MUC22: variants seen among roughly 807,000 people sequenced by gnomAD.
MUC22 encodes mucin 22.
A neutral mutation model predicts 40.3 loss-of-function variants in MUC22; 24 were observed. The ratio of observed to expected loss-of-function variants is 0.60; its 90% CI spans 0.43 to 0.84. MUC22 has a LOEUF of 0.84. Ranked by LOEUF, MUC22 falls within the 40% of genes least tolerant of loss-of-function variation. MUC22 has a pLI of 0.00. For synonymous variants in MUC22, 765 were observed against 844.5 expected, an observed-to-expected ratio of 0.91 and a Z score of 1.63; for missense variants, 1,926 against 2,130.7, an observed-to-expected ratio of 0.90 and a Z score of 1.89.
At position 31,027,468 on chromosome 6, in the gene MUC22, CA is replaced by C. The variant is rs550762347; in HGVS notation, c.2038del (p.Thr680ProfsTer18). The C allele has an allele frequency of 1.3e-4, 201 of 1,528,900 alleles. 11 individuals carry two copies. In the African/African-American group the frequency reaches 2.6e-3, roughly 20 times the overall value. The allele number at this position is 1,528,900 out of a possible 1,614,324, so 94.7% of individuals were successfully genotyped here. ...AAGGCTCTGAGATGACTGCAGTCTC[CA>C]CCACAGTCTTTGAGACCACTACAGC... On this transcript the variant is annotated frameshift_variant, in exon 2 of 4. Coordinates refer to ENST00000561890, the Ensembl canonical transcript of MUC22. LOFTEE classifies it high-confidence loss of function.
At chr6:31,013,876 G>T (rs949076916) in intron 1 of MUC22, among the ~76,000 whole-genome samples, 9 of 151,526 alleles carry the variant, frequency 5.9e-5, no homozygotes, top group Non-Finnish European at 1.2e-4. Flanking sequence ...AGGTTTTTTG[G>T]GTTTTTTTTC....
At chr6:31,021,686 G>A (rs1764758778) in intron 1 of MUC22, among the ~76,000 whole-genome samples, 1 of 151,988 alleles carries the variant, frequency 6.6e-6, no homozygotes, top group Non-Finnish European at 1.5e-5. Context: ...AATCTGATGG[G>A]GACGTGGAGA....
At chr6:31,014,616 C>G (rs1304921933) in intron 1 of MUC22, among the ~76,000 whole-genome samples, 1 of 152,112 alleles carries the variant, frequency 6.6e-6, no homozygotes, top group Non-Finnish European at 1.5e-5. Flanking sequence ...TAGGGTAATG[C>G]TAAGCTGCTG....
intron 1 of MUC22, among the ~76,000 whole-genome samples, chr6:31,021,084 C>G (rs1243280240): frequency 6.6e-6 from 1 of 152,248 alleles, no homozygotes; most frequent in African/African-American, 2.4e-5. Flanking sequence ...TCCCACCGAC[C>G]GCCCACGGGC....
chr6:31,026,249 C>A (rs534992021), exon 2 of MUC22: 35,363 of 1,261,332 alleles, frequency 0.028, 2,674 homozygotes, highest in Admixed American at 0.074. Context: ...GCCTCTACCA[C>A]AGGCTCTGAG....
chr6:31,018,222 C>G (rs1581617569), intron 1 of MUC22, among the ~76,000 whole-genome samples: 1 of 152,134 alleles, frequency 6.6e-6, no homozygotes, highest in Non-Finnish European at 1.5e-5. Context: ...AGATAAAACC[C>G]TAAGCTGTTA....
At chr6:31,026,800 A>G (rs1378133434) in exon 2 of MUC22, 1 of 1,504,902 alleles carries the variant, frequency 6.6e-7, no homozygotes, top group Non-Finnish European at 8.9e-7. Flanking sequence ...CTCTGAGACC[A>G]CTACAGTCTC....
intron 3 of MUC22, among the ~76,000 whole-genome samples, chr6:31,033,032 G>A (rs1766182906): frequency 6.6e-6 from 1 of 152,174 alleles, no homozygotes; most frequent in Non-Finnish European, 1.5e-5. Flanking sequence ...GAGAGTGGTA[G>A]CATGGACCTG....
At chr6:31,020,762 G>T (rs1470723789) in intron 1 of MUC22, among the ~76,000 whole-genome samples, 33 of 152,128 alleles carry the variant, frequency 2.2e-4, no homozygotes. Flanking sequence ...CGCGGCGCTT[G>T]CGGGCCAGCT....
chr6:31,018,255 C>T (rs1260568877), intron 1 of MUC22, among the ~76,000 whole-genome samples: 1 of 152,194 alleles, frequency 6.6e-6, no homozygotes, highest in Admixed American at 6.5e-5. Context: ...GTGTATTCAT[C>T]CAAGTGCTTG....
At position 31,026,793 on chromosome 6, in the gene MUC22, T is replaced by TA. The variant is rs1387964593; in HGVS notation, c.1362_1363insA (p.Glu455ArgfsTer11). ...CCACCACAGTCTCTACTGCAGGCTC[T>TA]GAGACCACTACAGTCTCCACCACAG... On this transcript the variant is annotated frameshift_variant, in exon 2 of 4. Coordinates refer to ENST00000561890, the Ensembl canonical transcript of MUC22. LOFTEE classifies it high-confidence loss of function. The TA allele has an allele frequency of 5.0e-5, 75 of 1,506,964 alleles. 7 individuals are homozygous for TA. The highest frequency in any genetic ancestry group is 6.1e-5 in the Non-Finnish European group (69 of 1,127,104). The allele number at this position is 1,506,964 out of a possible 1,614,324, so 93.3% of individuals were successfully genotyped here.
intron 1 of MUC22, among the ~76,000 whole-genome samples, chr6:31,024,391 T>C (rs59732478): frequency 0.024 from 1,165 of 49,510 alleles, 14 homozygotes; most frequent in African/African-American, 0.071. Context: ...TGAAGGATAA[T>C]GAGACAGATT....
exon 2 of MUC22, chr6:31,027,397 A>G (rs1581654706): frequency 6.5e-7 from 1 of 1,533,628 alleles, no homozygotes; most frequent in Non-Finnish European, 8.7e-7. Flanking sequence ...CTCTGAGACC[A>G]CTACAGTTTC....
At chr6:31,018,051 G>A (rs1634726) in intron 1 of MUC22, among the ~76,000 whole-genome samples, 10,482 of 152,236 alleles carry the variant, frequency 0.069, 589 homozygotes, top group Non-Finnish European at 0.12. Context: ...ACAAACTCAG[G>A]ACACACCACT....
At chr6:31,034,787 G>A (rs1319574390) in exon 4 of MUC22, 2 of 1,535,748 alleles carry the variant, frequency 1.3e-6, no homozygotes, top group Non-Finnish European at 1.7e-6. Flanking sequence ...CACAGCCTGG[G>A]AAATGCACTG....
chr6:31,022,099 C>A (rs374107845), intron 1 of MUC22, among the ~76,000 whole-genome samples: 3 of 152,028 alleles, frequency 2.0e-5, no homozygotes, highest in African/African-American at 7.3e-5. Context: ...GAGCACAAAC[C>A]CACCAGAAGG....
chr6:31,027,486 C>T (rs1332840064), exon 2 of MUC22: 1 of 1,531,146 alleles, frequency 6.5e-7, no homozygotes, highest in East Asian at 2.5e-5. Flanking sequence ...TCTTTGAGAC[C>T]ACTACAGCCT....
chr6:31,025,562 G>C, exon 2 of MUC22: 1 of 1,528,566 alleles, frequency 6.5e-7, no homozygotes, highest in Non-Finnish European at 8.8e-7. Flanking sequence ...TCCATCACAG[G>C]CTCTGAGACC....
chr6:31,015,660 C>T (rs1015502476), intron 1 of MUC22, among the ~76,000 whole-genome samples: 1 of 152,170 alleles, frequency 6.6e-6, no homozygotes, highest in Non-Finnish European at 1.5e-5. Context: ...ATCCACTATT[C>T]CTAGATTCTA....
Sources: gnomAD v4.1 joint callset for allele counts (sites outside exome capture counted in the v4.1 genomes callset) on GRCh38, gnomAD v4.1.1 for gene constraint, MANE v1.5 for transcripts, NCBI Gene and HGNC (gene_info 2026-07-23, HGNC 2026-07-21) for gene names.